The following AKAP6 variants were observed in gnomAD, a reference collection of about 807,000 sequenced individuals.
The protein encoded by AKAP6 is A-kinase anchoring protein 6.
Under a neutral mutation model 188.5 loss-of-function variants are expected in AKAP6, and 58 were observed. The ratio of observed to expected loss-of-function variants is 0.31; its 90% CI spans 0.25 to 0.38. The LOEUF (loss-of-function observed/expected upper bound fraction) is 0.38, where lower values mean the gene tolerates loss of function less well. Among genes scored for constraint, AKAP6 ranks in the 10% least tolerant of loss-of-function variants. The pLI is 1.00. For missense variants in AKAP6, 2,710 were observed against 2,740.0 expected, an observed-to-expected ratio of 0.99 and a Z score of 0.24; for synonymous variants, 989 against 998.6, an observed-to-expected ratio of 0.99 and a Z score of 0.18.
At chr14:32,417,571 T>C (rs539373325) in intron 1 of AKAP6, among the ~76,000 whole-genome samples, 26 of 152,172 alleles carry the variant, frequency 1.7e-4, no homozygotes, top group South Asian at 4.1e-4. Context: ...GACTTGCTTG[T>C]TAGCCAGAGC....
At chr14:32,715,998 C>T (rs1374047048) in intron 9 of AKAP6, among the ~76,000 whole-genome samples, 1 of 151,784 alleles carries the variant, frequency 6.6e-6, no homozygotes, top group Non-Finnish European at 1.5e-5. Flanking sequence ...CAGATACTGG[C>T]TTATCCAATC....
intron 2 of AKAP6, among the ~76,000 whole-genome samples, chr14:32,490,511 G>C (rs376772285): frequency 7.9e-5 from 12 of 151,956 alleles, no homozygotes; most frequent in African/African-American, 2.9e-4. Context: ...TTCATCTTAC[G>C]AGGACTGGTC....
chr14:32,608,447 C>T (rs1458688005), intron 7 of AKAP6, among the ~76,000 whole-genome samples: 1 of 144,534 alleles, frequency 6.9e-6, no homozygotes. Context: ...TTGCAGTGAG[C>T]TGAGATTGTG....
At chr14:32,468,697 T>C (rs944099351) in intron 2 of AKAP6, among the ~76,000 whole-genome samples, 1 of 152,100 alleles carries the variant, frequency 6.6e-6, no homozygotes, top group African/African-American at 2.4e-5. Flanking sequence ...TCTTTGTCCC[T>C]CCATTCTTTC....
At chr14:32,331,228 A>C (rs1263782004) in intron 1 of AKAP6, among the ~76,000 whole-genome samples, 1 of 152,064 alleles carries the variant, frequency 6.6e-6, no homozygotes, top group Non-Finnish European at 1.5e-5. Context: ...GCAGCATTGT[A>C]ATGAGTTTTC....
At chr14:32,776,384 C>T (rs572613437) in intron 12 of AKAP6, among the ~76,000 whole-genome samples, 136 of 152,310 alleles carry the variant, frequency 8.9e-4, no homozygotes, top group African/African-American at 3.1e-3. Flanking sequence ...GGTTGTCATT[C>T]TCTCTTGTCT....
intron 2 of AKAP6, among the ~76,000 whole-genome samples, chr14:32,442,074 C>T (rs551687869): frequency 6.6e-6 from 1 of 152,240 alleles, no homozygotes; most frequent in African/African-American, 2.4e-5. Context: ...TTAACTCTTT[C>T]CTTGCCTTGA....
intron 7 of AKAP6, among the ~76,000 whole-genome samples, chr14:32,630,613 G>C (rs1887226354): frequency 6.6e-6 from 1 of 152,004 alleles, no homozygotes; most frequent in Admixed American, 6.6e-5. Flanking sequence ...CCCAACAGAA[G>C]TGAAATTATA....
intron 8 of AKAP6, among the ~76,000 whole-genome samples, chr14:32,694,503 C>T (rs1357314641): frequency 6.6e-6 from 1 of 152,150 alleles, no homozygotes; most frequent in Non-Finnish European, 1.5e-5. Flanking sequence ...ACCGTATGTG[C>T]ATTGTAGTTT....
intron 12 of AKAP6, among the ~76,000 whole-genome samples, chr14:32,818,350 T>C (rs1344084103): frequency 1.3e-5 from 2 of 152,082 alleles, no homozygotes; most frequent in Non-Finnish European, 1.5e-5. Context: ...CACACACAGA[T>C]ACCAAAATCC....
At chr14:32,351,077 C>A (rs909419158) in intron 1 of AKAP6, among the ~76,000 whole-genome samples, 2 of 152,078 alleles carry the variant, frequency 1.3e-5, no homozygotes, top group Non-Finnish European at 2.9e-5. Context: ...AGTGATTTTC[C>A]AGATGATTTT....
chr14:32,373,125 C>T (rs1199136289), intron 1 of AKAP6, among the ~76,000 whole-genome samples: 1 of 151,826 alleles, frequency 6.6e-6, no homozygotes, highest in African/African-American at 2.4e-5. Flanking sequence ...GTGTAACTGC[C>T]TAAGGGATTC....
intron 2 of AKAP6, among the ~76,000 whole-genome samples, chr14:32,465,730 A>G (rs1878375993): frequency 6.6e-6 from 1 of 152,226 alleles, no homozygotes; most frequent in South Asian, 2.1e-4. Flanking sequence ...AAATTGACAA[A>G]TGGGATCTAA....
intron 1 of AKAP6, among the ~76,000 whole-genome samples, chr14:32,412,163 A>G (rs1190148285): frequency 6.6e-6 from 1 of 152,220 alleles, no homozygotes; most frequent in Non-Finnish European, 1.5e-5. Context: ...CCTCTTATTT[A>G]GTAGGTAGCA....
intron 4 of AKAP6, among the ~76,000 whole-genome samples, chr14:32,561,411 G>T (rs1883949722): frequency 6.6e-6 from 1 of 152,114 alleles, no homozygotes; most frequent in African/African-American, 2.4e-5. Context: ...TAAAGGAATA[G>T]AATTGAATGA....
At chr14:32,439,670 C>G (rs1474412768) in intron 2 of AKAP6, among the ~76,000 whole-genome samples, 2 of 152,182 alleles carry the variant, frequency 1.3e-5, no homozygotes, top group Non-Finnish European at 2.9e-5. Flanking sequence ...ATAGTCGTGA[C>G]AGTGAGCAAC....
At chr14:32,692,741 T>A (rs1458211263) in intron 8 of AKAP6, among the ~76,000 whole-genome samples, 2 of 152,210 alleles carry the variant, frequency 1.3e-5, no homozygotes, top group Non-Finnish European at 2.9e-5. Context: ...GCAAAGATAA[T>A]AAATTTATCT....
chr14:32,342,345 G>A (rs1385246712), intron 1 of AKAP6, among the ~76,000 whole-genome samples: 1 of 152,118 alleles, frequency 6.6e-6, no homozygotes, highest in Admixed American at 6.6e-5. Flanking sequence ...CCTTAGGGTG[G>A]AGACTGGGAG....
At chr14:32,808,681 G>A (rs7159018) in intron 12 of AKAP6, among the ~76,000 whole-genome samples, 4 of 151,846 alleles carry the variant, frequency 2.6e-5, no homozygotes, top group African/African-American at 4.8e-5. Flanking sequence ...CAATTCTTCC[G>A]TTTTTTTTCT....
Sources: allele counts gnomAD v4.1 joint callset (sites outside exome capture counted in the v4.1 genomes callset), GRCh38; gene constraint gnomAD v4.1.1; transcripts MANE v1.5; gene names NCBI Gene and HGNC (gene_info 2026-07-23, HGNC 2026-07-21).